Variants in SMIM36 observed in about 807,000 individuals in gnomAD.
The protein encoded by SMIM36 is small integral membrane protein 36.
intron 1 of SMIM36, among the ~76,000 whole-genome samples, chr17:55,492,242 C>CTTTTTTTTTTTTT (rs770501215): frequency 1.3e-4 from 14 of 111,286 alleles, no homozygotes; most frequent in Non-Finnish European, 2.3e-4. Flanking sequence ...TTCTTTCTTT[C>CTTTTTTTTTTTTT]TTTTTTTTTT....
At chr17:55,501,532 T>G (rs1384945980) in intron 1 of SMIM36, among the ~76,000 whole-genome samples, 11 of 116,960 alleles carry the variant, frequency 9.4e-5, no homozygotes, top group African/African-American at 3.7e-4. Context: ...ATATTGTATA[T>G]AATTATATAC....
At chr17:55,474,484 G>A (rs919356016) in intron 3 of SMIM36, among the ~76,000 whole-genome samples, 1 of 152,210 alleles carries the variant, frequency 6.6e-6, no homozygotes, top group Non-Finnish European at 1.5e-5. Context: ...CTTGGAGTCC[G>A]GACATCTGTA....
intron 1 of SMIM36, 76 bp downstream of exon 1, chr17:55,510,803 C>G (rs1299201582): frequency 3.6e-6 from 1 of 274,398 alleles, no homozygotes; most frequent in Non-Finnish European, 6.8e-6. Flanking sequence ...TACCAGTAAC[C>G]AACTTCATTA....
At chr17:55,492,242 C>CTTTTTTTTTTTTTT (rs770501215) in intron 1 of SMIM36, among the ~76,000 whole-genome samples, 26 of 111,330 alleles carry the variant, frequency 2.3e-4, no homozygotes, top group Non-Finnish European at 3.5e-4. Flanking sequence ...TTCTTTCTTT[C>CTTTTTTTTTTTTTT]TTTTTTTTTT....
At chr17:55,470,998 C>T (rs767710169) in intron 3 of SMIM36, among the ~76,000 whole-genome samples, 33 of 152,090 alleles carry the variant, frequency 2.2e-4, no homozygotes, top group Non-Finnish European at 4.3e-4. Context: ...TTAATCAAAT[C>T]GTCCTTCCCA....
the SMIM36 span, among the ~76,000 whole-genome samples, chr17:55,525,364 C>A: frequency 2.4e-3 from 362 of 152,258 alleles, 3 homozygotes; most frequent in Non-Finnish European, 4.0e-3. Context: ...GCCTTCTTTG[C>A]TCATCCTTAC....
the SMIM36 span, among the ~76,000 whole-genome samples, chr17:55,527,362 T>G: frequency 6.6e-6 from 1 of 152,270 alleles, no homozygotes; most frequent in East Asian, 1.9e-4. Flanking sequence ...GCAAGAATTT[T>G]AAATTTAGCC....
chr17:55,501,417 A>ATATAAT (rs1909970678), intron 1 of SMIM36, among the ~76,000 whole-genome samples: 1 of 17,694 alleles, frequency 5.7e-5, no homozygotes, highest in African/African-American at 3.8e-4. Context: ...TATATTATAA[A>ATATAAT]ATATAATATA....
At chr17:55,486,431 C>T (rs1909609636) in intron 1 of SMIM36, among the ~76,000 whole-genome samples, 1 of 152,146 alleles carries the variant, frequency 6.6e-6, no homozygotes, top group Non-Finnish European at 1.5e-5. Flanking sequence ...CTGGGTGCTC[C>T]TACCTCCATC....
intron 1 of SMIM36, among the ~76,000 whole-genome samples, chr17:55,483,508 C>G (rs571114577): frequency 2.0e-5 from 3 of 152,288 alleles, no homozygotes; most frequent in Non-Finnish European, 4.4e-5. Context: ...TGGGCCTCCT[C>G]TAGTCAGTCG....
intron 4 of SMIM36, chr17:55,458,280 G>A (rs1909066511): frequency 6.6e-6 from 1 of 152,166 alleles, no homozygotes; most frequent in South Asian, 2.1e-4. Flanking sequence ...AATCTGCAGC[G>A]ACAGCAGTTT....
chr17:55,515,340 G>A (rs889851056), upstream of SMIM36, among the ~76,000 whole-genome samples: 1 of 152,060 alleles, frequency 6.6e-6, no homozygotes, highest in Non-Finnish European at 1.5e-5. Flanking sequence ...TCACTTGGGA[G>A]CCTCACCTGG....
At chr17:55,485,284 C>T (rs1283544720) in intron 1 of SMIM36, among the ~76,000 whole-genome samples, 1 of 151,504 alleles carries the variant, frequency 6.6e-6, no homozygotes, top group Admixed American at 6.6e-5. Flanking sequence ...TGAAAAGAAA[C>T]ATTTTCTCTC....
chr17:55,460,447 C>A (rs12943469), intron 4 of SMIM36, among the ~76,000 whole-genome samples: 1,823 of 65,792 alleles, frequency 0.028, 40 homozygotes, highest in Middle Eastern at 0.17. Flanking sequence ...AAACAAAAAA[C>A]AAAACAAAAA....
chr17:55,515,450 T>A (rs6504970), upstream of SMIM36, among the ~76,000 whole-genome samples: 2 of 151,904 alleles, frequency 1.3e-5, no homozygotes, highest in African/African-American at 4.8e-5. Flanking sequence ...CTCATCCACC[T>A]GGAATCTCAG....
At chr17:55,523,153 A>T in the SMIM36 span, among the ~76,000 whole-genome samples, 1 of 152,136 alleles carries the variant, frequency 6.6e-6, no homozygotes, top group Non-Finnish European at 1.5e-5. Flanking sequence ...TGATTAAGTT[A>T]CCATGAGGCC....
intron 4 of SMIM36, among the ~76,000 whole-genome samples, chr17:55,464,698 G>A (rs1909204852): frequency 6.6e-6 from 1 of 152,182 alleles, no homozygotes; most frequent in South Asian, 2.1e-4. Flanking sequence ...TAGTCACAAA[G>A]TAACAATTAT....
chr17:55,508,871 C>T (rs969942904), intron 1 of SMIM36, among the ~76,000 whole-genome samples: 4 of 145,152 alleles, frequency 2.8e-5, no homozygotes, highest in Non-Finnish European at 4.5e-5. Flanking sequence ...TGCAGTGAGC[C>T]GAGATCGTGC....
intron 1 of SMIM36, among the ~76,000 whole-genome samples, chr17:55,495,048 T>C (rs1909784438): frequency 6.6e-6 from 1 of 152,210 alleles, no homozygotes; most frequent in South Asian, 2.1e-4. Flanking sequence ...ACAGAACTCA[T>C]GTCTGTTGTG....
Sources: gnomAD v4.1 joint callset for allele counts (sites outside exome capture counted in the v4.1 genomes callset) on GRCh38, gnomAD v4.1.1 for gene constraint, MANE v1.5 for transcripts, NCBI Gene and HGNC (gene_info 2026-07-23, HGNC 2026-07-21) for gene names.